Variants in BMPER observed in about 807,000 individuals in gnomAD.
BMPER encodes BMP-binding endothelial regulator protein.
A neutral mutation model predicts 87.3 loss-of-function variants in BMPER; 45 were observed. That is an observed-to-expected ratio of 0.52 (90% CI 0.41 to 0.66). BMPER has a LOEUF of 0.66. BMPER is among the 30% of genes least tolerant of loss of function. The pLI is 0.00. For synonymous variants in BMPER, 326 were observed against 316.2 expected (o/e 1.03, Z -0.33); for missense variants, 784 against 867.5 (o/e 0.90, Z 1.21).
intron 2 of BMPER, among the ~76,000 whole-genome samples, chr7:33,914,060 C>G (rs1189057889): frequency 6.6e-6 from 1 of 150,466 alleles, no homozygotes; most frequent in Non-Finnish European, 1.5e-5. Flanking sequence ...CTCCCGGGTT[C>G]GCGCCATTCT....
intron 6 of BMPER, among the ~76,000 whole-genome samples, chr7:34,019,075 T>G (rs1202968829): frequency 6.6e-6 from 1 of 152,024 alleles, no homozygotes; most frequent in Non-Finnish European, 1.5e-5. Context: ...GCTTGACAAC[T>G]TATTTAATTA....
At chr7:34,076,102 C>A (rs963063807) in intron 11 of BMPER, among the ~76,000 whole-genome samples, 1 of 152,168 alleles carries the variant, frequency 6.6e-6, no homozygotes, top group Non-Finnish European at 1.5e-5. Context: ...TGAAAAATAT[C>A]TTTCCTGACA....
chr7:33,934,336 G>A (rs1274218479), intron 2 of BMPER, among the ~76,000 whole-genome samples: 1 of 152,082 alleles, frequency 6.6e-6, no homozygotes, highest in Non-Finnish European at 1.5e-5. Flanking sequence ...TTTCTTGGAA[G>A]GCCTGGGATT....
intron 4 of BMPER, among the ~76,000 whole-genome samples, chr7:33,967,557 T>C (rs1785436097): frequency 6.6e-6 from 1 of 152,216 alleles, no homozygotes; most frequent in Non-Finnish European, 1.5e-5. Flanking sequence ...CTGTTGCTTG[T>C]TAAAATAAGC....
chr7:34,053,316 G>C (rs181574346), intron 8 of BMPER, among the ~76,000 whole-genome samples: 1 of 152,116 alleles, frequency 6.6e-6, no homozygotes, highest in South Asian at 2.1e-4. Context: ...ATTATTTTCT[G>C]TCTGCTTTGA....
chr7:34,060,871 G>A (rs1456361105), intron 10 of BMPER, among the ~76,000 whole-genome samples: 4 of 152,188 alleles, frequency 2.6e-5, no homozygotes, highest in Non-Finnish European at 4.4e-5. Context: ...TCAGTCTAGT[G>A]TATAGCAGAT....
intron 2 of BMPER, among the ~76,000 whole-genome samples, chr7:33,922,963 A>G (rs967168735): frequency 6.6e-6 from 1 of 152,172 alleles, no homozygotes; most frequent in African/African-American, 2.4e-5. Flanking sequence ...CCAAAATTGC[A>G]ACACATTGCT....
intron 14 of BMPER, among the ~76,000 whole-genome samples, chr7:34,147,888 G>C (rs1486825638): frequency 6.6e-6 from 1 of 152,088 alleles, no homozygotes; most frequent in Admixed American, 6.5e-5. Context: ...AAAAACAACT[G>C]AATTCACAGA....
chr7:33,967,756 A>C (rs902415760), intron 4 of BMPER, among the ~76,000 whole-genome samples: 1 of 152,208 alleles, frequency 6.6e-6, no homozygotes, highest in South Asian at 2.1e-4. Context: ...CCTCTTGACC[A>C]GCAAAATTTC....
At chr7:34,145,463 G>T (rs1196857901) in intron 14 of BMPER, among the ~76,000 whole-genome samples, 3 of 152,124 alleles carry the variant, frequency 2.0e-5, no homozygotes, top group Non-Finnish European at 4.4e-5. Flanking sequence ...ATTCACTTAA[G>T]GTGTGGCTGA....
At chr7:34,073,337 A>G (rs1476952054) in intron 11 of BMPER, among the ~76,000 whole-genome samples, 1 of 152,240 alleles carries the variant, frequency 6.6e-6, no homozygotes, top group Non-Finnish European at 1.5e-5. Context: ...CCTAGGCTAA[A>G]TGGCACACCC....
intron 13 of BMPER, among the ~76,000 whole-genome samples, chr7:34,096,471 A>G (rs1789534841): frequency 6.6e-6 from 1 of 152,228 alleles, no homozygotes; most frequent in African/African-American, 2.4e-5. Context: ...CTTGGCAAAA[A>G]TTAAAATTGA....
At chr7:33,933,066 C>T (rs997491379) in intron 2 of BMPER, among the ~76,000 whole-genome samples, 1 of 152,204 alleles carries the variant, frequency 6.6e-6, no homozygotes, top group Non-Finnish European at 1.5e-5. Context: ...TGGCAGATCT[C>T]AGACACAGCA....
intron 3 of BMPER, among the ~76,000 whole-genome samples, chr7:33,944,428 A>G (rs190922657): frequency 1.3e-5 from 2 of 152,302 alleles, no homozygotes; most frequent in East Asian, 3.9e-4. Context: ...TGGCCTCCCA[A>G]AGTGCTGGGA....
At chr7:34,075,781 A>C (rs141339220) in intron 11 of BMPER, among the ~76,000 whole-genome samples, 6 of 152,078 alleles carry the variant, frequency 3.9e-5, no homozygotes, top group Admixed American at 3.9e-4. Context: ...TCTGTCCCCT[A>C]AGTGTTCTCG....
intron 11 of BMPER, among the ~76,000 whole-genome samples, chr7:34,077,489 T>A (rs1788895517): frequency 6.6e-6 from 1 of 152,228 alleles, no homozygotes; most frequent in South Asian, 2.1e-4. Context: ...GTGCCTTTTA[T>A]ATATTCTTTC....
In BMPER at chr7:34,117,444, C is replaced by A. The variant is rs10231797; in HGVS notation, c.1746-25786C>A. On this transcript the variant is annotated intron_variant, in intron 13 of 14. Coordinates refer to ENST00000649409, the MANE Select transcript of BMPER (RefSeq NM_001365308.1). ...AGGAGGCCATATCTTGTCCCAGGCC[C>A]CTTCTGGGTAAAAAAGTAATAACTA... Among the ~76,000 whole-genome samples, 932 of 152,200 alleles carry A rather than the reference C, an allele frequency of 6.1e-3. 8 individuals are homozygous for A. The highest frequency in any genetic ancestry group is 0.022 in the African/African-American group (901 of 41,538).
chr7:33,983,037 T>C (rs1405703369), intron 6 of BMPER, among the ~76,000 whole-genome samples: 2 of 152,204 alleles, frequency 1.3e-5, no homozygotes, highest in Admixed American at 6.5e-5. Context: ...GAAATGTTCA[T>C]GAGCATAGTT....
chr7:33,970,438 G>C lies in BMPER; in HGVS notation c.493+19G>C, dbSNP rs1351330249. On this transcript the variant is annotated intron_variant, in intron 5 of 14. Transcript: ENST00000649409. The stretch of plus-strand genomic sequence containing the variant: ...TGTCCAGGTAACGTTCTCAGGAAGG[G>C]GAGGCTGGAAATCTCTGTGTGTTCT... 3 of 1,608,932 alleles carry C rather than the reference G, an allele frequency of 1.9e-6. No homozygotes were observed. The highest frequency in any genetic ancestry group is 1.1e-5 in the South Asian group (1 of 90,960).
Sources: allele counts gnomAD v4.1 joint callset (sites outside exome capture counted in the v4.1 genomes callset), GRCh38; gene constraint gnomAD v4.1.1; transcripts MANE v1.5; gene names NCBI Gene and HGNC (gene_info 2026-07-23, HGNC 2026-07-21).